Variants in UBA6 observed in about 807,000 individuals in gnomAD.
UBA6 encodes ubiquitin like modifier activating enzyme 6.
Under a neutral mutation model 148.3 loss-of-function variants are expected in UBA6, and 87 were observed. That is an observed-to-expected ratio of 0.59 (90% CI 0.49 to 0.70). UBA6 has a LOEUF of 0.70. Ranked by LOEUF, UBA6 falls within the 30% of genes least tolerant of loss-of-function variation. The pLI is 0.00. For synonymous variants in UBA6, 376 were observed against 401.0 expected (o/e 0.94, Z 0.75); for missense variants, 1,186 against 1,241.2 (o/e 0.96, Z 0.67).
intron 4 of UBA6, among the ~76,000 whole-genome samples, chr4:67,679,827 C>T (rs1281593469): frequency 6.6e-6 from 1 of 152,022 alleles, no homozygotes; most frequent in Non-Finnish European, 1.5e-5. Flanking sequence ...TCATTACGAA[C>T]GTTCTAGCTC....
intron 2 of UBA6, 116 bp from the exon 3 acceptor site, chr4:67,682,329 G>A: frequency 1.4e-6 from 1 of 704,624 alleles, no homozygotes. Context: ...GACTTGTTAT[G>A]AATGATTTGC....
intron 18 of UBA6, among the ~76,000 whole-genome samples, chr4:67,640,485 T>A (rs1032564130): frequency 6.6e-6 from 1 of 152,146 alleles, no homozygotes; most frequent in Admixed American, 6.5e-5. Flanking sequence ...TTTTAAAACT[T>A]TTTTTTAGGG....
chr4:67,643,229 T>A, intron 17 of UBA6, among the ~76,000 whole-genome samples: 1 of 151,734 alleles, frequency 6.6e-6, no homozygotes, highest in Non-Finnish European at 1.5e-5. Flanking sequence ...TAAAAAAAAT[T>A]CTATTATTGG....
intron 10 of UBA6, among the ~76,000 whole-genome samples, chr4:67,664,338 C>T (rs143775515): frequency 3.9e-4 from 59 of 151,854 alleles, no homozygotes; most frequent in African/African-American, 1.3e-3. Flanking sequence ...AAACCCAAAA[C>T]ACCCACCCAA....
chr4:67,641,754 A>G (rs530088939), intron 17 of UBA6, among the ~76,000 whole-genome samples: 7 of 152,056 alleles, frequency 4.6e-5, no homozygotes, highest in African/African-American at 1.7e-4. Flanking sequence ...AGAATTGTCT[A>G]CCGCAGTTTT....
intron 29 of UBA6, 103 bp from the exon 30 acceptor site, chr4:67,624,356 T>C (rs778047002): frequency 4.6e-5 from 51 of 1,098,910 alleles, no homozygotes; most frequent in Non-Finnish European, 6.6e-5. Context: ...TCTCTGTGGA[T>C]AGTAAAAGCA....
chr4:67,691,293 C>T (rs201888522), intron 2 of UBA6, among the ~76,000 whole-genome samples: 1 of 151,852 alleles, frequency 6.6e-6, no homozygotes, highest in Non-Finnish European at 1.5e-5. Context: ...TTTATCAAAA[C>T]TATGCGTACA....
At chr4:67,682,043 G>C in intron 3 of UBA6, 76 bp downstream of exon 3, 1 of 1,066,210 alleles carries the variant, frequency 9.4e-7, no homozygotes, top group Non-Finnish European at 1.4e-6. Context: ...GGAAATATAA[G>C]GGGATGAAGT....
Position 67,634,295 on chromosome 4 carries a change from A to T in UBA6, c.1960T>A (p.Ser654Thr), listed in dbSNP as rs771819584. The T allele has an allele frequency of 6.3e-7, 1 of 1,595,968 alleles. No individual in the cohort carries two copies. Among genetic ancestry groups the T allele is most frequent in the Admixed American group, 1.8e-5 (1 of 55,250 alleles). ...GTTTGCCAAAATTTGTTAAACAATGAAGGTTTGTGGGAAAAGGAACTTTCA... is the reference window on the plus strand; with the variant it reads ...GTTTGCCAAAATTTGTTAAACAATGTAGGTTTGTGGGAAAAGGAACTTTCA... ...KFESSFSHKP[S>T]LFNKFWQTYS... Residue 654 changes from serine (S) to threonine (T), a missense_variant, in exon 22 of 33, where the codon TCA becomes ACA. Physicochemically the swap from Ser to Thr is moderately conservative, Grantham distance 58 (BLOSUM62 1). Transcript: ENST00000322244.
chr4:67,647,775 GTTT>G (rs397878457), intron 14 of UBA6, among the ~76,000 whole-genome samples: 3 of 133,202 alleles, frequency 2.3e-5, no homozygotes, highest in East Asian at 2.2e-4. Flanking sequence ...TTCTCATGGT[GTTT>G]TTTTTTTTTT....
At chr4:67,636,964 A>C (rs1191864401) in intron 19 of UBA6, among the ~76,000 whole-genome samples, 3 of 146,782 alleles carry the variant, frequency 2.0e-5, no homozygotes, top group Non-Finnish European at 4.5e-5. Flanking sequence ...TCTGCCCAGC[A>C]GCCCATTGTC....
chr4:67,651,777 C>A (rs1452969727), intron 13 of UBA6, among the ~76,000 whole-genome samples: 1 of 151,872 alleles, frequency 6.6e-6, no homozygotes, highest in Non-Finnish European at 1.5e-5. Context: ...CAGAAATAGA[C>A]CTACATATAT....
Position 67,634,454 on chromosome 4 carries a change from T to C in UBA6, c.1907A>G (p.His636Arg). ...CTTATCTCTTGCCCACTGTATGGTA[T>C]GTTCAATAGCAGCTGGAAAGGATTT... Reference protein sequence around the residue: ...TLKSFPAAIEHTIQWARDKFE... With the variant: ...TLKSFPAAIERTIQWARDKFE... Residue 636 changes from histidine to arginine, a missense_variant, in exon 21 of 33, where the codon CAT (histidine) becomes CGT (arginine). His to Arg is a conservative substitution (Grantham distance 29, BLOSUM62 0). Coordinates refer to ENST00000322244, the MANE Select transcript of UBA6 (RefSeq NM_018227.6). 1 of 1,588,266 alleles carries C rather than the reference T, an allele frequency of 6.3e-7. No homozygotes were observed. The highest frequency in any genetic ancestry group is 8.5e-7 in the Non-Finnish European group (1 of 1,173,274).
chr4:67,649,696 C>T (rs1729506955), intron 13 of UBA6, among the ~76,000 whole-genome samples: 1 of 151,970 alleles, frequency 6.6e-6, no homozygotes, highest in Non-Finnish European at 1.5e-5. Context: ...AATAATAACA[C>T]AATACACTTA....
chr4:67,632,041 A>AC, intron 23 of UBA6, 133 bp from the exon 24 acceptor site: 1 of 782,928 alleles, frequency 1.3e-6, no homozygotes, highest in Non-Finnish European at 2.0e-6. Context: ...TAAAAGAGAC[A>AC]CAGTGAAGTC....
intron 32 of UBA6, 75 bp from the exon 33 acceptor site, chr4:67,619,207 T>G: frequency 8.8e-7 from 1 of 1,137,456 alleles, no homozygotes; most frequent in Non-Finnish European, 1.3e-6. Context: ...ACTAATGCCA[T>G]CCAGAGAACC....
intron 28 of UBA6, among the ~76,000 whole-genome samples, chr4:67,626,083 C>T (rs1323988385): frequency 2.0e-5 from 3 of 151,840 alleles, no homozygotes; most frequent in Non-Finnish European, 2.9e-5. Context: ...ACCTGCTCAC[C>T]ATCTAAAGAA....
intron 18 of UBA6, among the ~76,000 whole-genome samples, chr4:67,639,904 G>C (rs932382369): frequency 6.6e-6 from 1 of 152,124 alleles, no homozygotes; most frequent in Non-Finnish European, 1.5e-5. Flanking sequence ...GATCCTGGTT[G>C]ACCATGGCTA....
At chr4:67,641,009 C>T in intron 18 of UBA6, 142 bp downstream of exon 18, 2 of 617,766 alleles carry the variant, frequency 3.2e-6, no homozygotes, top group East Asian at 3.2e-5. Flanking sequence ...TAATATTTTC[C>T]CTTTTGTCAT....
Sources: allele counts gnomAD v4.1 joint callset (sites outside exome capture counted in the v4.1 genomes callset), GRCh38; gene constraint gnomAD v4.1.1; transcripts MANE v1.5; gene names NCBI Gene and HGNC (gene_info 2026-07-23, HGNC 2026-07-21).